CD84: variants seen among roughly 807,000 people sequenced by gnomAD.
The protein encoded by CD84 is SLAM family member 5.
A neutral mutation model predicts 33.8 loss-of-function variants in CD84; 22 were observed. The ratio of observed to expected loss-of-function variants is 0.65; its 90% CI spans 0.46 to 0.93. The LOEUF (loss-of-function observed/expected upper bound fraction) is 0.93. CD84 is among the 40% of genes least tolerant of loss of function. The probability of loss-of-function intolerance (pLI) is 0.00; values close to 1 mark genes in which losing one functional copy is unlikely to be tolerated. For synonymous variants in CD84, 154 were observed against 145.2 expected (o/e 1.06, Z -0.44); for missense variants, 400 against 397.6 (o/e 1.01, Z -0.05).
chr1:160,578,189 G>C (rs745810034), intron 1 of CD84, among the ~76,000 whole-genome samples: 6 of 152,038 alleles, frequency 3.9e-5, no homozygotes, highest in Non-Finnish European at 7.4e-5. Flanking sequence ...CGTCTATCTT[G>C]CTCATCTCAA....
At chr1:160,550,532 A>C (rs1656138158) in intron 5 of CD84, 5 of 723,492 alleles carry the variant, frequency 6.9e-6, no homozygotes, top group African/African-American at 1.9e-5. Context: ...ATTCAAGGGA[A>C]CTTGTCTGTC....
intron 2 of CD84, among the ~76,000 whole-genome samples, chr1:160,562,637 A>T (rs561626983): frequency 2.0e-5 from 3 of 152,336 alleles, no homozygotes; most frequent in African/African-American, 7.2e-5. Context: ...AATCTGGGCA[A>T]TACCATTCAG....
chr1:160,561,540 A>G (rs1656964890), intron 2 of CD84, among the ~76,000 whole-genome samples: 3 of 152,196 alleles, frequency 2.0e-5, no homozygotes, highest in Admixed American at 1.3e-4. Flanking sequence ...ACATATGACA[A>G]ACTCACGCCA....
chr1:160,550,810 T>C, intron 5 of CD84, 128 bp downstream of exon 5: 1 of 1,533,046 alleles, frequency 6.5e-7, no homozygotes, highest in Non-Finnish European at 8.7e-7. Context: ...TGGTATTTCC[T>C]GGTTGGAACC....
In CD84 at chr1:160,544,471, A is replaced by G. The variant is rs955014040; in HGVS notation, c.*3785T>C. On this transcript the variant is annotated 3_prime_UTR_variant, in exon 7 of 7. Transcript: ENST00000368054. Reference sequence around the variant, plus strand: ...TCAAGCTTCATTTTACAATCAGTAGACACTGTCACTAATTATTGAGAAAAT... The same window carrying G: ...TCAAGCTTCATTTTACAATCAGTAGGCACTGTCACTAATTATTGAGAAAAT... 1.3e-5 allele frequency: 2 copies of G among 152,128 alleles called. No individual in the cohort carries two copies. Among genetic ancestry groups the G allele is most frequent in the African/African-American group, 4.8e-5 (2 of 41,410 alleles). 9.4% of individuals were successfully genotyped at this position (152,128 alleles called of 1,614,324 possible).
At chr1:160,552,876 G>T (rs766137674) in intron 4 of CD84, 1 of 673,372 alleles carries the variant, frequency 1.5e-6, no homozygotes, top group Non-Finnish European at 2.7e-6. Flanking sequence ...TTCCTTGAGG[G>T]TCTAAGATCA....
chr1:160,542,146 T>G lies in CD84; in HGVS notation c.*6110A>C, dbSNP rs1655573694. 1 of 152,248 alleles carries G rather than the reference T, an allele frequency of 6.6e-6. No individual in the cohort carries two copies. The highest frequency in any genetic ancestry group is 2.1e-4 in the South Asian group (1 of 4,834). 9.4% of individuals were successfully genotyped at this position (152,248 alleles called of 1,614,324 possible). ...GGAGTTGAATCCTGGCTTTTCTATT[T>G]ACTAGGATGAGCTACTGTGATTCAG... On this transcript the variant is annotated 3_prime_UTR_variant, in exon 7 of 7. Transcript: ENST00000368054.
chr1:160,548,527 G>A (rs1242343606), intron 6 of CD84, among the ~76,000 whole-genome samples: 1 of 152,138 alleles, frequency 6.6e-6, no homozygotes, highest in Non-Finnish European at 1.5e-5. Flanking sequence ...GGGAGGCCCT[G>A]AGCAATTAAC....
intron 4 of CD84, 73 bp from the exon 5 acceptor site, chr1:160,551,108 C>G: frequency 9.0e-7 from 1 of 1,115,722 alleles, no homozygotes; most frequent in South Asian, 1.3e-5. Context: ...TTCCAATGTT[C>G]TCTTTTTAAG....
At chr1:160,553,764 T>TG in intron 3 of CD84, 131 bp downstream of exon 3, 1 of 1,407,598 alleles carries the variant, frequency 7.1e-7, no homozygotes, top group Non-Finnish European at 9.7e-7. Context: ...TCTTGGGAGG[T>TG]GATGCCCTCA....
At position 160,545,926 on chromosome 1, in the gene CD84, C is replaced by T. The variant is rs992133598; in HGVS notation, c.*2330G>A. On this transcript the variant is annotated 3_prime_UTR_variant, in exon 7 of 7. Transcript: ENST00000368054. The stretch of plus-strand genomic sequence containing the variant: ...GGATTACAGGCGTGAGCCACCGTGC[C>T]CAGCTGCATCCTGATATTTAATGCT... The T allele has an allele frequency of 2.6e-5, 4 of 152,130 alleles. No homozygotes were observed. The highest frequency in any genetic ancestry group is 5.9e-5 in the Non-Finnish European group (4 of 68,106). 9.4% of individuals were successfully genotyped at this position (152,130 alleles called of 1,614,324 possible).
At chr1:160,562,387 A>G (rs1000545503) in intron 2 of CD84, among the ~76,000 whole-genome samples, 1 of 152,158 alleles carries the variant, frequency 6.6e-6, no homozygotes, top group Non-Finnish European at 1.5e-5. Context: ...CACATAGACC[A>G]ATGGAACAGA....
At chr1:160,577,057 T>C (rs1268299280) in intron 1 of CD84, among the ~76,000 whole-genome samples, 1 of 152,166 alleles carries the variant, frequency 6.6e-6, no homozygotes, top group African/African-American at 2.4e-5. Context: ...GGAGAGACAG[T>C]CAGAGTCATG....
At chr1:160,579,355 G>C in intron 1 of CD84, 37 bp downstream of exon 1, 1 of 1,612,544 alleles carries the variant, frequency 6.2e-7, no homozygotes, top group Non-Finnish European at 8.5e-7. Context: ...AAACTTTATG[G>C]AAAACTAGGA....
chr1:160,568,928 T>A (rs1657505449), intron 1 of CD84, among the ~76,000 whole-genome samples: 1 of 152,244 alleles, frequency 6.6e-6, no homozygotes, highest in Non-Finnish European at 1.5e-5. Flanking sequence ...CCTCAGTTTC[T>A]TCATCCATAG....
intron 1 of CD84, among the ~76,000 whole-genome samples, chr1:160,566,486 A>G (rs1182159752): frequency 6.6e-6 from 1 of 152,202 alleles, no homozygotes; most frequent in Non-Finnish European, 1.5e-5. Context: ...GCATGTATTT[A>G]TTCAGGATCA....
At chr1:160,550,633 T>G in intron 5 of CD84, 1 of 985,356 alleles carries the variant, frequency 1.0e-6, no homozygotes, top group Non-Finnish European at 1.2e-6. Context: ...GCTCCTCTGT[T>G]GTGTGGCCCC....
Position 160,548,326 on chromosome 1 carries a change from G to T in CD84, c.922-5C>A. On this transcript the variant is annotated splice_region_variant and splice_polypyrimidine_tract_variant and intron_variant, in intron 6 of 6. Coordinates refer to ENST00000368054, the MANE Select transcript of CD84 (RefSeq NM_003874.4). ...CTGTGTGCTGGCTTTCCCCATCTGT[G>T]CAGGAGAGAAGCGTGAGAAAATGTT... 6.2e-7 allele frequency: 1 copy of T among 1,614,186 alleles called. No homozygotes were observed. Among genetic ancestry groups the T allele is most frequent in the Non-Finnish European group, 8.5e-7 (1 of 1,180,012 alleles).
chr1:160,556,242 C>T (rs934720595), intron 2 of CD84, among the ~76,000 whole-genome samples: 15 of 152,226 alleles, frequency 9.9e-5, no homozygotes, highest in African/African-American at 2.6e-4. Flanking sequence ...GAGTCATGGC[C>T]GACAGATCTT....
Sources: allele counts gnomAD v4.1 joint callset (sites outside exome capture counted in the v4.1 genomes callset), GRCh38; gene constraint gnomAD v4.1.1; transcripts MANE v1.5; gene names NCBI Gene and HGNC (gene_info 2026-07-23, HGNC 2026-07-21).